GRIK1: variants seen among roughly 807,000 people sequenced by gnomAD.
The protein encoded by GRIK1 is glutamate receptor ionotropic, kainate 1.
A neutral mutation model predicts 105.7 loss-of-function variants in GRIK1; 69 were observed. That is an observed-to-expected ratio of 0.65 (90% confidence interval 0.54 to 0.80). GRIK1 has a LOEUF of 0.80. GRIK1 is among the 30% of genes least tolerant of loss of function. The probability of loss-of-function intolerance (pLI) is 0.00; values close to 1 mark genes in which losing one functional copy is unlikely to be tolerated. For missense variants in GRIK1, 1,109 were observed against 1,167.3 expected (o/e 0.95, Z 0.73); for synonymous variants, 438 against 431.3 (o/e 1.02, Z -0.19).
rs188383119 is a variant in GRIK1, at chr21:29,566,665, C to G, written c.2131-4816G>C. 1.1e-4 allele frequency among the ~76,000 whole-genome samples: 16 copies of G among 151,178 alleles called. No homozygotes were observed. In the East Asian group the frequency reaches 3.1e-3, roughly 29 times the overall value. On this transcript the variant is annotated intron_variant, in intron 14 of 17. Coordinates refer to ENST00000327783, the MANE Select transcript of GRIK1 (RefSeq NM_001330994.2). The stretch of plus-strand genomic sequence containing the variant: ...TACTTATTGAAAATAGTAACAGCAA[C>G]CAACATATGCAGTGTTTATTTACTG...
At chr21:29,720,897 G>A (rs1355199796) in intron 1 of GRIK1, among the ~76,000 whole-genome samples, 1 of 152,052 alleles carries the variant, frequency 6.6e-6, no homozygotes, top group African/African-American at 2.4e-5. Context: ...TACTCCAAAA[G>A]GAATGCAATA....
intron 16 of GRIK1, among the ~76,000 whole-genome samples, chr21:29,548,193 G>A (rs144759653): frequency 1.9e-3 from 282 of 152,224 alleles, no homozygotes; most frequent in Middle Eastern, 3.4e-3. Context: ...ACACATTGTT[G>A]TGTACTTTGG....
chr21:29,719,317 C>A (rs2064261772), intron 1 of GRIK1, among the ~76,000 whole-genome samples: 1 of 151,750 alleles, frequency 6.6e-6, no homozygotes, highest in East Asian at 1.9e-4. Context: ...CTTCAGCTAT[C>A]ACCCACCCAA....
chr21:29,739,005 G>A lies in GRIK1; in HGVS notation c.119-44942C>T, dbSNP rs2064861847. Reference sequence around the variant, plus strand: ...TATGCATTCATTTAAAATATTTATTGGCTGTCTACAATGTGCCAGAATGGT... The same window carrying A: ...TATGCATTCATTTAAAATATTTATTAGCTGTCTACAATGTGCCAGAATGGT... On this transcript the variant is annotated intron_variant, in intron 1 of 17. Transcript: ENST00000327783. Among the ~76,000 whole-genome samples the A allele has an allele frequency of 2.6e-5, 4 of 152,144 alleles. No individual in the cohort carries two copies. In the South Asian group the frequency reaches 8.3e-4, roughly 32 times the overall value.
chr21:29,786,861 C>T (rs2145803695), intron 1 of GRIK1, among the ~76,000 whole-genome samples: 1 of 152,290 alleles, frequency 6.6e-6, no homozygotes, highest in African/African-American at 2.4e-5. Context: ...CCCAGTAAGC[C>T]TTCAGATAAG....
intron 1 of GRIK1, among the ~76,000 whole-genome samples, chr21:29,711,149 G>A (rs1164151950): frequency 1.3e-5 from 2 of 151,902 alleles, no homozygotes; most frequent in African/African-American, 4.8e-5. Context: ...AGAACATCAA[G>A]CATATTCATT....
intron 1 of GRIK1, among the ~76,000 whole-genome samples, chr21:29,806,319 G>A (rs555128546): frequency 6.6e-6 from 1 of 151,830 alleles, no homozygotes; most frequent in East Asian, 1.9e-4. Flanking sequence ...GAATCAGTCA[G>A]CCAATAACAA....
At chr21:29,788,834 C>T (rs923364005) in intron 1 of GRIK1, among the ~76,000 whole-genome samples, 1 of 152,118 alleles carries the variant, frequency 6.6e-6, no homozygotes, top group African/African-American at 2.4e-5. Flanking sequence ...TAATAGGGTT[C>T]ACACTCTTAT....
At chr21:29,623,421 G>A (rs551213664) in intron 7 of GRIK1, among the ~76,000 whole-genome samples, 2 of 151,438 alleles carry the variant, frequency 1.3e-5, no homozygotes, top group South Asian at 4.2e-4. Context: ...CCCAAACCCT[G>A]CAAGACAGGC....
chr21:29,786,900 T>TTCAA (rs1169449768), intron 1 of GRIK1, among the ~76,000 whole-genome samples: 1 of 152,194 alleles, frequency 6.6e-6, no homozygotes, highest in East Asian at 1.9e-4. Context: ...CATTGATGGA[T>TTCAA]AGCCTTGCTT....
intron 1 of GRIK1, among the ~76,000 whole-genome samples, chr21:29,918,353 G>A (rs2071072529): frequency 6.6e-6 from 1 of 151,982 alleles, no homozygotes; most frequent in South Asian, 2.1e-4. Context: ...CTTTTCAAAA[G>A]CCCAGCGAAG....
chr21:29,763,505 C>G (rs1034294763), intron 1 of GRIK1: 6 of 152,322 alleles, frequency 3.9e-5, no homozygotes, highest in African/African-American at 1.2e-4. Flanking sequence ...AGTGGGTGGG[C>G]TGGGGTTAGT....
chr21:29,567,522 G>T (rs1269428875), intron 14 of GRIK1, among the ~76,000 whole-genome samples: 1 of 152,070 alleles, frequency 6.6e-6, no homozygotes, highest in Non-Finnish European at 1.5e-5. Flanking sequence ...ATATACATTA[G>T]AAATAAGTTA....
At chr21:29,564,031 A>T (rs2090549251) in intron 14 of GRIK1, among the ~76,000 whole-genome samples, 1 of 152,224 alleles carries the variant, frequency 6.6e-6, no homozygotes, top group Non-Finnish European at 1.5e-5. Context: ...GCTTTTATTC[A>T]TGGACTCATT....
chr21:29,846,510 AAAGAAAG>A (rs2068130549), intron 1 of GRIK1, among the ~76,000 whole-genome samples: 1 of 135,864 alleles, frequency 7.4e-6, no homozygotes, highest in Non-Finnish European at 1.7e-5. Context: ...AGAAAGAAAG[AAAGAAAG>A]AAATGCTTCT....
At chr21:29,709,679 T>C (rs1459683595) in intron 1 of GRIK1, among the ~76,000 whole-genome samples, 1 of 152,106 alleles carries the variant, frequency 6.6e-6, no homozygotes, top group East Asian at 1.9e-4. Context: ...CTTTATTTTA[T>C]AGTTTTCAAA....
intron 1 of GRIK1, among the ~76,000 whole-genome samples, chr21:29,722,081 A>G (rs2146860212): frequency 6.6e-6 from 1 of 152,286 alleles, no homozygotes; most frequent in South Asian, 2.1e-4. Context: ...AGGTCTTATT[A>G]AAATAAATCT....
At chr21:29,671,905 G>A (rs1029719617) in intron 4 of GRIK1, among the ~76,000 whole-genome samples, 2 of 152,004 alleles carry the variant, frequency 1.3e-5, no homozygotes, top group African/African-American at 4.8e-5. Context: ...ATTACAAGAT[G>A]TTTAGCAGTA....
intron 1 of GRIK1, among the ~76,000 whole-genome samples, chr21:29,878,556 A>G (rs1263448220): frequency 6.6e-6 from 1 of 152,176 alleles, no homozygotes. Context: ...AGCCACTGCT[A>G]TAGACTGAAT....
Sources: gnomAD v4.1 joint callset for allele counts (sites outside exome capture counted in the v4.1 genomes callset) on GRCh38, gnomAD v4.1.1 for gene constraint, MANE v1.5 for transcripts, NCBI Gene and HGNC (gene_info 2026-07-23, HGNC 2026-07-21) for gene names.